HSPB8: variants seen among roughly 807,000 people sequenced by gnomAD.
The protein encoded by HSPB8 is heat shock protein family B (small) member 8.
A neutral mutation model predicts 16.5 loss-of-function variants in HSPB8; 9 were observed. The ratio of observed to expected loss-of-function variants is 0.55; its 90% CI spans 0.33 to 0.95. The LOEUF (loss-of-function observed/expected upper bound fraction) is 0.95. Among genes scored for constraint, HSPB8 ranks in the 40% least tolerant of loss-of-function variants. The probability of loss-of-function intolerance (pLI) is 0.03; values close to 1 mark genes in which losing one functional copy is unlikely to be tolerated. For missense variants in HSPB8, 238 were observed against 251.2 expected (o/e 0.95, Z 0.35); for synonymous variants, 99 against 94.8 (o/e 1.04, Z -0.26).
chr12:119,190,454 T>G (rs2136084971), intron 2 of HSPB8, among the ~76,000 whole-genome samples: 1 of 152,312 alleles, frequency 6.6e-6, no homozygotes, highest in African/African-American at 2.4e-5. Context: ...CATCCATCTC[T>G]GTGTGAAAAG....
At chr12:119,190,948 A>G (rs1434959431) in intron 2 of HSPB8, among the ~76,000 whole-genome samples, 1 of 152,232 alleles carries the variant, frequency 6.6e-6, no homozygotes, top group Non-Finnish European at 1.5e-5. Flanking sequence ...AAATGGGTTT[A>G]AATACAAGTC....
At chr12:119,185,760 C>T (rs1310744098) in intron 1 of HSPB8, among the ~76,000 whole-genome samples, 1 of 152,110 alleles carries the variant, frequency 6.6e-6, no homozygotes, top group Non-Finnish European at 1.5e-5. Flanking sequence ...AAGAGTGAGC[C>T]ACTATGCCCG....
intron 1 of HSPB8, among the ~76,000 whole-genome samples, chr12:119,181,020 G>T (rs1157422202): frequency 6.6e-6 from 1 of 152,190 alleles, no homozygotes; most frequent in Non-Finnish European, 1.5e-5. Context: ...AGCAGGATGT[G>T]CAAATTACTT....
chr12:119,183,060 A>G (rs1381012947), intron 1 of HSPB8: 1 of 152,222 alleles, frequency 6.6e-6, no homozygotes. Context: ...TTACCAATGT[A>G]CTTCAAGCTG....
chr12:119,185,709 A>G (rs1303842280), intron 1 of HSPB8, among the ~76,000 whole-genome samples: 1 of 152,072 alleles, frequency 6.6e-6, no homozygotes, highest in Non-Finnish European at 1.5e-5. Context: ...CCTGGCCTCG[A>G]GTCATCCTCC....
chr12:119,179,241 C>G lies in HSPB8; in HGVS notation c.-72C>G. 1 of 1,493,844 alleles carries G rather than the reference C, an allele frequency of 6.7e-7. No individual in the cohort carries two copies. The highest frequency in any genetic ancestry group is 1.1e-5 in the South Asian group (1 of 88,802). 92.5% of individuals were successfully genotyped at this position (1,493,844 alleles called of 1,614,324 possible). ...GAATAAGCTAGCCCAGCCACACCACCTTGTTGTGTGACCTTGGGCAGGTGG... is the reference window on the plus strand; with the variant it reads ...GAATAAGCTAGCCCAGCCACACCACGTTGTTGTGTGACCTTGGGCAGGTGG... On this transcript the variant is annotated 5_prime_UTR_variant, in exon 1 of 3. Transcript: ENST00000281938.
intron 2 of HSPB8, among the ~76,000 whole-genome samples, chr12:119,192,109 T>G (rs1954716151): frequency 5.9e-5 from 9 of 152,226 alleles, no homozygotes; most frequent in Admixed American, 5.9e-4. Context: ...TTTAATAGTT[T>G]GTTGAAGAAA....
At chr12:119,179,762 G>A (rs1422277263) in intron 1 of HSPB8, 83 bp downstream of exon 1, 3 of 1,503,442 alleles carry the variant, frequency 2.0e-6, no homozygotes, top group Non-Finnish European at 2.7e-6. Flanking sequence ...AAAGTTTCCT[G>A]GGAGCTGACG....
At chr12:119,185,196 C>T (rs1203014594) in intron 1 of HSPB8, among the ~76,000 whole-genome samples, 5 of 151,540 alleles carry the variant, frequency 3.3e-5, no homozygotes, top group Admixed American at 2.0e-4. Context: ...CACTCTGTTG[C>T]CCAGGCTGGA....
chr12:119,187,443 C>T (rs1954684074), intron 2 of HSPB8, among the ~76,000 whole-genome samples: 1 of 152,156 alleles, frequency 6.6e-6, no homozygotes, highest in Admixed American at 6.5e-5. Context: ...CAACCTCCAC[C>T]TCCTGGGTTC....
intron 2 of HSPB8, among the ~76,000 whole-genome samples, chr12:119,187,639 T>G (rs1468807277): frequency 1.3e-5 from 2 of 152,172 alleles, no homozygotes; most frequent in Non-Finnish European, 2.9e-5. Flanking sequence ...ATTAGAGGCT[T>G]GAGCCACTGC....
chr12:119,181,561 G>C (rs948299769), intron 1 of HSPB8, among the ~76,000 whole-genome samples: 1 of 152,146 alleles, frequency 6.6e-6, no homozygotes, highest in African/African-American at 2.4e-5. Context: ...AGTGATTTGG[G>C]GGCCCCAAGA....
At chr12:119,192,048 G>A (rs1410206442) in intron 2 of HSPB8, among the ~76,000 whole-genome samples, 1 of 152,078 alleles carries the variant, frequency 6.6e-6, no homozygotes, top group African/African-American at 2.4e-5. Flanking sequence ...GGATTTCATG[G>A]TTAAAAAAAA....
chr12:119,182,883 C>G (rs1954648295), intron 1 of HSPB8: 5 of 152,154 alleles, frequency 3.3e-5, no homozygotes, highest in South Asian at 4.1e-4. Context: ...CCTGAGATTA[C>G]CCACTTCTCC....
At chr12:119,187,717 A>T (rs1440030469) in intron 2 of HSPB8, among the ~76,000 whole-genome samples, 1 of 152,098 alleles carries the variant, frequency 6.6e-6, no homozygotes, top group Non-Finnish European at 1.5e-5. Flanking sequence ...CTTGTCCACA[A>T]TCACACAGCC....
intron 2 of HSPB8, 115 bp from the exon 3 acceptor site, chr12:119,193,584 A>G (rs763946487): frequency 1.8e-6 from 2 of 1,136,604 alleles, no homozygotes; most frequent in Non-Finnish European, 2.6e-6. Context: ...CAAACCCAAC[A>G]TTGTATGTCC....
chr12:119,190,060 A>G (rs1217325542), intron 2 of HSPB8, among the ~76,000 whole-genome samples: 1 of 152,212 alleles, frequency 6.6e-6, no homozygotes, highest in African/African-American at 2.4e-5. Flanking sequence ...CTGACCTTCC[A>G]TTCCCACATC....
rs749346498 is a variant in HSPB8 at position 119,179,492 on chromosome 12, G to C, written c.180G>C (p.Trp60Cys). The change falls in exon 1 of 3, where the codon TGG becomes TGC. Residue 60 changes from tryptophan (W) to cysteine (C), a missense_variant. Coordinates refer to ENST00000281938, the MANE Select transcript of HSPB8 (RefSeq NM_014365.3). ...DWALPRLSSA[W>C]PGTLRSGMVP... ...CTCTGCCTCGTCTCTCCTCCGCCTGGCCAGGCACCCTAAGGTCGGGCATGG... is the reference window on the plus strand; with the variant it reads ...CTCTGCCTCGTCTCTCCTCCGCCTGCCCAGGCACCCTAAGGTCGGGCATGG... 1 of 1,614,006 alleles carries C rather than the reference G, an allele frequency of 6.2e-7. No homozygotes were observed. The highest frequency in any genetic ancestry group is 8.5e-7 in the Non-Finnish European group (1 of 1,180,010).
intron 2 of HSPB8, among the ~76,000 whole-genome samples, chr12:119,189,373 T>C (rs1954697690): frequency 6.8e-6 from 1 of 148,104 alleles, no homozygotes; most frequent in South Asian, 2.1e-4. Flanking sequence ...TTAGGGGAGA[T>C]AGCTTGCTGG....
Sources: gnomAD v4.1 joint callset for allele counts (sites outside exome capture counted in the v4.1 genomes callset) on GRCh38, gnomAD v4.1.1 for gene constraint, MANE v1.5 for transcripts, NCBI Gene and HGNC (gene_info 2026-07-23, HGNC 2026-07-21) for gene names.